NIN: variants seen among roughly 807,000 people sequenced by gnomAD.
NIN encodes the protein ninein.
A neutral mutation model predicts 257.6 loss-of-function variants in NIN; 137 were observed. The ratio of observed to expected loss-of-function variants is 0.53; its 90% confidence interval spans 0.46 to 0.61. The LOEUF (loss-of-function observed/expected upper bound fraction) is 0.61. NIN is among the 20% of genes least tolerant of loss of function. The pLI is 0.00. For missense variants in NIN, 2,439 were observed against 2,501.2 expected (o/e 0.98, Z 0.53); for synonymous variants, 918 against 919.8 (o/e 1.00, Z 0.04).
Position 50,723,106 on chromosome 14 carries a change from C to A in NIN, c.*357G>T. On this transcript the variant is annotated 3_prime_UTR_variant, in exon 31 of 31. Coordinates refer to ENST00000530997, the MANE Select transcript of NIN (RefSeq NM_020921.4). ...ACCATTCTCATCAGATCTCAAACTT[C>A]AAATATCTAGATTTTACACATAGAT... 1 of 237,776 alleles carries A rather than the reference C, an allele frequency of 4.2e-6. No homozygotes were observed. Among genetic ancestry groups the A allele is most frequent in the Admixed American group, 5.3e-5 (1 of 18,878 alleles). The allele number at this position is 237,776 out of a possible 1,614,324, so 14.7% of individuals were successfully genotyped here.
intron 29 of NIN, chr14:50,727,304 C>A (rs45576933): frequency 1.0e-6 from 1 of 976,172 alleles, no homozygotes; most frequent in Non-Finnish European, 1.2e-6. Flanking sequence ...TTATACAAAA[C>A]AGTATAAATA....
chr14:50,772,845 C>T, intron 8 of NIN, 104 bp downstream of exon 8: 1 of 947,174 alleles, frequency 1.1e-6, no homozygotes, highest in Non-Finnish European at 1.6e-6. Context: ...GCTTCCCTCT[C>T]TTTCCTTAGT....
chr14:50,760,701 C>T (rs138403092), intron 16 of NIN, among the ~76,000 whole-genome samples: 44 of 152,178 alleles, frequency 2.9e-4, no homozygotes, highest in African/African-American at 1.0e-3. Flanking sequence ...GAGACAGGTT[C>T]TCACTCTGTC....
chr14:50,757,242 T>C lies in NIN; in HGVS notation c.3788A>G (p.Gln1263Arg), dbSNP rs199927578. 1 of 1,614,180 alleles carries C rather than the reference T, an allele frequency of 6.2e-7. No homozygotes were observed. The highest frequency in any genetic ancestry group is 1.3e-5 in the African/African-American group (1 of 75,044). ...EDVSRENDCL[Q>R]EELRMMETRY... ...TGTCTCCATCATTCTCAGCTCTTCC[T>C]GAAGGCAGTCATTTTCTCGGCTCAC... The change falls in exon 18 of 31, where the codon CAG (glutamine) becomes CGG (arginine). Residue 1263 changes from glutamine (Q) to arginine (R), a missense_variant. Physicochemically the swap from Gln to Arg is conservative, Grantham distance 43 (BLOSUM62 1). Around this residue, in one of 3 missense-constraint regions of NIN, gnomAD observed 2,043 missense variants for 2,050.2 expected, o/e 1.00. Transcript: ENST00000530997.
rs546248597 is a variant in NIN, at chr14:50,764,098, A to G, written c.1636-134T>C. The G allele has an allele frequency of 1.4e-4, 104 of 725,914 alleles. No individual in the cohort carries two copies. In the South Asian group the frequency reaches 1.7e-3, roughly 12 times the overall value. The allele number at this position is 725,914 out of a possible 1,614,324, so 45.0% of individuals were successfully genotyped here. A position where few individuals can be genotyped will look rare whatever the true frequency, so the allele number is the denominator to read the frequency against. On this transcript the variant is annotated intron_variant, in intron 14 of 30. Transcript: ENST00000530997. ...TCAAAGGACACTATCAAGAAAGTAG[A>G]AATGTTTTGCAAATTAAGTATCTGA...
chr14:50,794,488 C>T (rs1291310367), intron 4 of NIN: 1 of 999,672 alleles, frequency 1.0e-6, no homozygotes. Context: ...GCGGCCCAGA[C>T]ACCCGAGCTA....
chr14:50,829,035 C>G (rs964928247), intron 2 of NIN, among the ~76,000 whole-genome samples: 22 of 152,176 alleles, frequency 1.4e-4, no homozygotes, highest in African/African-American at 4.1e-4. Context: ...AATAACTTTG[C>G]CGATGTCCAA....
intron 2 of NIN, among the ~76,000 whole-genome samples, chr14:50,824,062 A>C (rs2045354283): frequency 6.6e-6 from 1 of 152,178 alleles, no homozygotes; most frequent in Non-Finnish European, 1.5e-5. Flanking sequence ...TCTGAGTTTT[A>C]CAGTCCCCTG....
At chr14:50,785,525 G>A (rs2043309858) in intron 5 of NIN, among the ~76,000 whole-genome samples, 1 of 152,208 alleles carries the variant, frequency 6.6e-6, no homozygotes, top group South Asian at 2.1e-4. Flanking sequence ...TGTAAACCCA[G>A]AGAGAAGAGG....
Position 50,758,489 on chromosome 14 carries a change from G to C in NIN, c.2541C>G (p.Leu847=), listed in dbSNP as rs770684570. 1.2e-5 allele frequency: 20 copies of C among 1,614,198 alleles called. No homozygotes were observed. Among genetic ancestry groups the C allele is most frequent in the Non-Finnish European group, 1.7e-5 (20 of 1,180,042 alleles). The part of the protein sequence containing the change: ...EGRYRQELKD[L]QEQQREEKSQ... The stretch of plus-strand genomic sequence containing the variant: ...ATTTCTCCTCACGCTGCTGTTCCTG[G>C]AGGTCCTTCAGCTCTTGGCGGTAGC... The change falls in exon 18 of 31, where the codon CTC becomes CTG. Residue 847 remains leucine, a synonymous_variant. Transcript: ENST00000530997.
intron 5 of NIN, among the ~76,000 whole-genome samples, chr14:50,780,234 C>A (rs1394062118): frequency 1.3e-5 from 2 of 152,226 alleles, no homozygotes; most frequent in Non-Finnish European, 2.9e-5. Context: ...TCAAAGAAAA[C>A]CCTGTTAGAA....
At chr14:50,765,769 C>T (rs1054460829) in intron 14 of NIN, among the ~76,000 whole-genome samples, 1 of 148,140 alleles carries the variant, frequency 6.8e-6, no homozygotes, top group Admixed American at 6.7e-5. Context: ...AACCAAATCA[C>T]GTCAGATTAG....
Position 50,735,386 on chromosome 14 carries a change from A to G in NIN, c.5877+130T>C, listed in dbSNP as rs112971455. 3.3e-5 allele frequency: 43 copies of G among 1,322,454 alleles called. No homozygotes were observed. The African/African-American group carries it at 4.8e-4, about 15-fold the overall frequency. 81.9% of individuals were successfully genotyped at this position (1,322,454 alleles called of 1,614,324 possible). On this transcript the variant is annotated intron_variant, in intron 28 of 30. Transcript: ENST00000530997. ...TTAAACTTGGTAAGGCGGACCAAAG[A>G]ATTCAACTTGGCAGTGTACTTAGAT...
In NIN at chr14:50,830,505, C is replaced by G. The variant is rs1236088043; in HGVS notation, c.-63G>C. 1.2e-5 allele frequency: 2 copies of G among 167,544 alleles called. No homozygotes were observed. The highest frequency in any genetic ancestry group is 6.5e-5 in the Admixed American group (1 of 15,302). The allele number at this position is 167,544 out of a possible 1,614,324, so 10.4% of individuals were successfully genotyped here. On this transcript the variant is annotated 5_prime_UTR_variant, in exon 2 of 31. Coordinates refer to ENST00000530997, the MANE Select transcript of NIN (RefSeq NM_020921.4). ...CGGAGCGCCCGCACAGCCGGCAGCC[C>G]GCCTCCAGCGCTCTGCAAAGCGAAG...
At chr14:50,822,936 A>T (rs772499237) in intron 2 of NIN, among the ~76,000 whole-genome samples, 16 of 152,186 alleles carry the variant, frequency 1.1e-4, no homozygotes, top group Non-Finnish European at 2.1e-4. Context: ...TATGAATCAT[A>T]CAGCATCTCA....
rs774071404 is a variant in NIN, at chr14:50,766,393, C to T, written c.1549G>A (p.Gly517Ser). ...TCAGCACTGCTAGGATCGAGGTCACCAAACTAGAAGGGGAAAAGGGCAAAG... is the reference window on the plus strand; with the variant it reads ...TCAGCACTGCTAGGATCGAGGTCACTAAACTAGAAGGGGAAAAGGGCAAAG... ...NLENVLAEKF[G>S]DLDPSSAEFF... The change falls in exon 14 of 31, where the codon GGT becomes AGT. Residue 517 changes from glycine to serine, a missense_variant. Gly to Ser is a moderately conservative substitution (Grantham distance 56). Transcript: ENST00000530997. The T allele has an allele frequency of 6.2e-7, 1 of 1,614,030 alleles. No individual in the cohort carries two copies. Among genetic ancestry groups the T allele is most frequent in the Non-Finnish European group, 8.5e-7 (1 of 1,179,934 alleles).
Position 50,748,091 on chromosome 14 carries a change from C to T in NIN, c.4965G>A (p.Val1655=). 1 of 1,611,600 alleles carries T rather than the reference C, an allele frequency of 6.2e-7. No individual in the cohort carries two copies. Among genetic ancestry groups the T allele is most frequent in the Non-Finnish European group, 8.5e-7 (1 of 1,177,838 alleles). ...ERCKVQSSTL[V]SSLEAELSEV... is the part of the protein sequence containing the mutation. ...CAGAGAGCTCCGCCTCCAGAGAAGACACTAAAGTGGAGGACTAAGAGAAAA... is the reference window on the plus strand; with the variant it reads ...CAGAGAGCTCCGCCTCCAGAGAAGATACTAAAGTGGAGGACTAAGAGAAAA... Residue 1655 remains valine, a synonymous_variant, in exon 22 of 31, where the codon GTG becomes GTA. Transcript: ENST00000530997.
intron 3 of NIN, among the ~76,000 whole-genome samples, chr14:50,807,572 T>C (rs527940663): frequency 9.2e-5 from 14 of 152,340 alleles, no homozygotes; most frequent in Middle Eastern, 3.4e-3. Context: ...CTCATCACAA[T>C]TCTAGTTTGA....
At position 50,739,483 on chromosome 14, in the gene NIN, C is replaced by T. The variant is rs762074572; in HGVS notation, c.5453G>A (p.Trp1818Ter). ...KQLQNAGGKSWAPEIATHPSG... is the reference protein window; with the variant it reads ...KQLQNAGGKS ...TGGATGAGTAGCTATCTCTGGGGCC[C>T]AGCTCTTAAGAGAATTGCAGAGTGT... is the stretch of plus-strand genomic sequence containing the variant. The change falls in exon 26 of 31, where the codon TGG becomes TAG. Residue 1818 changes from tryptophan (W) to a stop codon, truncating the protein, a stop_gained. Coordinates refer to ENST00000530997, the MANE Select transcript of NIN (RefSeq NM_020921.4). LOFTEE classifies it high-confidence loss of function. 1 of 1,614,080 alleles carries T rather than the reference C, an allele frequency of 6.2e-7. No individual in the cohort carries two copies. The highest frequency in any genetic ancestry group is 8.5e-7 in the Non-Finnish European group (1 of 1,179,998).
Sources: gnomAD v4.1 joint callset for allele counts (sites outside exome capture counted in the v4.1 genomes callset) on GRCh38, gnomAD v4.1.1 for gene constraint, gnomAD v4.1.1 regional missense constraint, MANE v1.5 for transcripts, NCBI Gene and HGNC (gene_info 2026-07-23, HGNC 2026-07-21) for gene names.